GPCPD1: variants seen among roughly 807,000 people sequenced by gnomAD.
The protein encoded by GPCPD1 is glycerophosphocholine phosphodiesterase GPCPD1.
Under a neutral mutation model 89.2 loss-of-function variants are expected in GPCPD1, and 29 were observed. That is an observed-to-expected ratio of 0.33 (90% CI 0.24 to 0.44). GPCPD1 has a LOEUF of 0.44. GPCPD1 is among the 20% of genes least tolerant of loss of function. The pLI is 1.00. For synonymous variants in GPCPD1, 258 were observed against 266.3 expected (o/e 0.97, Z 0.30); for missense variants, 594 against 808.9 (o/e 0.73, Z 3.22).
At chr20:5,581,912 C>T (rs1472493981) in intron 6 of GPCPD1, among the ~76,000 whole-genome samples, 2 of 138,598 alleles carry the variant, frequency 1.4e-5, no homozygotes, top group African/African-American at 5.4e-5. Context: ...AGGCCGGGCG[C>T]GGTGGCTCAC....
chr20:5,590,763 CTGAT>C (rs1338986513), intron 4 of GPCPD1, among the ~76,000 whole-genome samples: 16 of 152,112 alleles, frequency 1.1e-4, no homozygotes, highest in African/African-American at 2.9e-4. Context: ...TCGCAGGTGA[CTGAT>C]TGTCTTGTTA....
At chr20:5,561,880 C>T (rs1415589777) in intron 15 of GPCPD1, among the ~76,000 whole-genome samples, 1 of 152,186 alleles carries the variant, frequency 6.6e-6, no homozygotes, top group Non-Finnish European at 1.5e-5. Context: ...GAATTCAAGA[C>T]ATTTGTCATG....
chr20:5,575,754 A>C, intron 9 of GPCPD1, 62 bp downstream of exon 9: 1 of 1,121,272 alleles, frequency 8.9e-7, no homozygotes, highest in Non-Finnish European at 1.3e-6. Flanking sequence ...CAAATACTTA[A>C]TTTGAAACTA....
At chr20:5,555,432 G>A (rs1051437354) in intron 19 of GPCPD1, among the ~76,000 whole-genome samples, 3 of 152,206 alleles carry the variant, frequency 2.0e-5, no homozygotes, top group Non-Finnish European at 2.9e-5. Context: ...CCAGCTACTC[G>A]GGAGGCTGAG....
At position 5,578,624 on chromosome 20, in the gene GPCPD1, C is replaced by T; in HGVS notation, c.474-13G>A. 6 of 1,516,028 alleles carry T rather than the reference C, an allele frequency of 4.0e-6. No homozygotes were observed. Among genetic ancestry groups the T allele is most frequent in the Non-Finnish European group, 5.5e-6 (6 of 1,091,292 alleles). The allele number at this position is 1,516,028 out of a possible 1,614,324, so 93.9% of individuals were successfully genotyped here. A position where few individuals can be genotyped will look rare whatever the true frequency, so the allele number is the denominator to read the frequency against. On this transcript the variant is annotated splice_polypyrimidine_tract_variant and intron_variant, in intron 7 of 19. Coordinates refer to ENST00000379019, the MANE Select transcript of GPCPD1 (RefSeq NM_019593.5). ...TGTCAGCTTCACCCTACGTAATAAA[C>T]AAAATAATGAGATGCAAGAAGTGGC...
intron 19 of GPCPD1, among the ~76,000 whole-genome samples, chr20:5,556,330 C>T (rs143034516): frequency 8.6e-4 from 131 of 152,164 alleles, no homozygotes; most frequent in African/African-American, 3.1e-3. Context: ...GCCTCAGCCC[C>T]GAGCAGCTAG....
chr20:5,603,993 C>T lies in GPCPD1; in HGVS notation c.49+371G>A, dbSNP rs1245175835. On this transcript the variant is annotated intron_variant, in intron 2 of 19. Coordinates refer to ENST00000379019, the MANE Select transcript of GPCPD1 (RefSeq NM_019593.5). ...AACTCCTGACCTCAAGTGATCTACC[C>T]GCCTCAGCCTCCCAAAGTGCTGGGA... 5.3e-5 allele frequency among the ~76,000 whole-genome samples: 8 copies of T among 152,136 alleles called. No individual in the cohort carries two copies. The East Asian group carries it at 1.2e-3, about 22-fold the overall frequency.
Position 5,573,896 on chromosome 20 carries a change from T to C in GPCPD1, c.1056+19A>G, listed in dbSNP as rs1371349416. ...ATTTCTCTACCTCAGCAGTCTAAAGTTGTTTAAAGGTTACTTACATGACTA... is the reference window on the plus strand; with the variant it reads ...ATTTCTCTACCTCAGCAGTCTAAAGCTGTTTAAAGGTTACTTACATGACTA... On this transcript the variant is annotated intron_variant, in intron 11 of 19. Coordinates refer to ENST00000379019, the MANE Select transcript of GPCPD1 (RefSeq NM_019593.5). 2.3e-6 allele frequency: 3 copies of C among 1,302,214 alleles called. No homozygotes were observed. Among genetic ancestry groups the C allele is most frequent in the Non-Finnish European group, 3.3e-6 (3 of 895,616 alleles). 80.7% of individuals were successfully genotyped at this position (1,302,214 alleles called of 1,614,324 possible).
intron 16 of GPCPD1, 127 bp from the exon 17 acceptor site, chr20:5,560,203 T>C (rs964354316): frequency 7.5e-6 from 4 of 531,146 alleles, no homozygotes; most frequent in Admixed American, 4.0e-5. Context: ...TACTATTTTA[T>C]AGATGATGAA....
At chr20:5,575,765 A>T in intron 9 of GPCPD1, 51 bp downstream of exon 9, 2 of 1,235,008 alleles carry the variant, frequency 1.6e-6, no homozygotes, top group South Asian at 1.3e-5. Context: ...TTTGAAACTA[A>T]TTAAAATTCT....
chr20:5,553,387 C>G (rs947438041), intron 19 of GPCPD1, among the ~76,000 whole-genome samples: 1 of 152,178 alleles, frequency 6.6e-6, no homozygotes, highest in Admixed American at 6.5e-5. Context: ...TCCCTATTCT[C>G]AGAGACACAT....
At chr20:5,549,056 A>G in intron 19 of GPCPD1, 1 of 654,404 alleles carries the variant, frequency 1.5e-6, no homozygotes, top group Non-Finnish European at 2.8e-6. Context: ...GGCTCTGTAC[A>G]ACCATATCCA....
At chr20:5,583,279 C>G (rs1978685241) in intron 6 of GPCPD1, among the ~76,000 whole-genome samples, 1 of 148,468 alleles carries the variant, frequency 6.7e-6, no homozygotes, top group Non-Finnish European at 1.5e-5. Flanking sequence ...GGCAGTGGCT[C>G]ACACCTGTAA....
intron 10 of GPCPD1, 27 bp downstream of exon 10, chr20:5,575,386 C>T (rs1454273446): frequency 6.4e-7 from 1 of 1,560,132 alleles, no homozygotes. Context: ...ACACCAAATG[C>T]TAATCCTACT....
chr20:5,566,783 C>A lies in GPCPD1; in HGVS notation c.1228-11G>T. The A allele has an allele frequency of 1.3e-6, 2 of 1,566,728 alleles. No individual in the cohort carries two copies. The highest frequency in any genetic ancestry group is 1.4e-5 in the African/African-American group (1 of 73,984). ...AGTCACATGAGTGAGCTAGAAAGCACACAAACAAAATGAAATCAGAAAGGA... is the reference window on the plus strand; with the variant it reads ...AGTCACATGAGTGAGCTAGAAAGCAAACAAACAAAATGAAATCAGAAAGGA... On this transcript the variant is annotated splice_polypyrimidine_tract_variant and intron_variant, in intron 13 of 19. Coordinates refer to ENST00000379019, the MANE Select transcript of GPCPD1 (RefSeq NM_019593.5).
At chr20:5,581,350 TAAAA>T (rs1978470887) in intron 6 of GPCPD1, among the ~76,000 whole-genome samples, 1 of 152,110 alleles carries the variant, frequency 6.6e-6, no homozygotes, top group Non-Finnish European at 1.5e-5. Flanking sequence ...ACAAATAAAT[TAAAA>T]TATTCATATT....
At chr20:5,593,487 C>A (rs1979480929) in intron 3 of GPCPD1, 76 bp from the exon 4 acceptor site, 2 of 807,808 alleles carry the variant, frequency 2.5e-6, no homozygotes, top group Admixed American at 2.0e-5. Context: ...ATTCACAAAA[C>A]TCCTCAAATA....
intron 18 of GPCPD1, 25 bp downstream of exon 18, chr20:5,558,659 A>T: frequency 7.2e-7 from 1 of 1,392,272 alleles, no homozygotes; most frequent in Non-Finnish European, 9.9e-7. Context: ...AACATTAAAA[A>T]GATAAAAATT....
intron 6 of GPCPD1, among the ~76,000 whole-genome samples, chr20:5,582,009 C>T (rs373099516): frequency 0.14 from 20,874 of 145,622 alleles, 1,703 homozygotes; most frequent in South Asian, 0.19. Context: ...ACGGTGAAAC[C>T]CCGTCTCTAC....
Sources: gnomAD v4.1 joint callset for allele counts (sites outside exome capture counted in the v4.1 genomes callset) on GRCh38, gnomAD v4.1.1 for gene constraint, MANE v1.5 for transcripts, NCBI Gene and HGNC (gene_info 2026-07-23, HGNC 2026-07-21) for gene names.